The following CFAP74 variants were observed in gnomAD, a reference collection of about 807,000 sequenced individuals.
CFAP74 encodes cilia- and flagella-associated protein 74.
A neutral mutation model predicts 188.9 loss-of-function variants in CFAP74; 124 were observed. The observed-to-expected ratio is 0.66, with a 90% confidence interval of 0.57 to 0.76. CFAP74 has a LOEUF of 0.76. CFAP74 is among the 30% of genes least tolerant of loss of function. The pLI, the probability that CFAP74 is intolerant of heterozygous loss-of-function variation, is 0.00. For missense variants in CFAP74, 2,198 were observed against 2,165.2 expected, an observed-to-expected ratio of 1.02 and a Z score of -0.30; for synonymous variants, 956 against 916.7, an observed-to-expected ratio of 1.04 and a Z score of -0.77.
chr1:1,965,657 TG>T (rs142484867), intron 12 of CFAP74, among the ~76,000 whole-genome samples: 10,013 of 151,110 alleles, frequency 0.066, 970 homozygotes, highest in African/African-American at 0.22. Context: ...CTTCCCGGGG[TG>T]GGGGGGGCAC....
intron 25 of CFAP74, among the ~76,000 whole-genome samples, chr1:1,932,212 T>C (rs567786428): frequency 0.012 from 1,829 of 150,646 alleles, 30 homozygotes; most frequent in African/African-American, 0.041. Context: ...CTGGCTAACA[T>C]GGTGAAACCC....
At chr1:1,926,799 G>A (rs777953153) in intron 29 of CFAP74, 38 bp from the exon 30 acceptor site, 1 of 1,545,234 alleles carries the variant, frequency 6.5e-7, no homozygotes, top group South Asian at 1.2e-5. Flanking sequence ...AGGGTGGGCG[G>A]CCCCCTGCCC....
intron 5 of CFAP74, among the ~76,000 whole-genome samples, chr1:1,986,373 G>A (rs991105618): frequency 6.6e-6 from 1 of 152,174 alleles, no homozygotes; most frequent in African/African-American, 2.4e-5. Context: ...GGACCTGCTG[G>A]TTCCCTTGCC....
At chr1:1,996,363 A>T (rs1268699519) in intron 1 of CFAP74, among the ~76,000 whole-genome samples, 4 of 152,218 alleles carry the variant, frequency 2.6e-5, no homozygotes, top group African/African-American at 4.8e-5. Context: ...GGCAGGAAGC[A>T]TAAACAGGAA....
chr1:2,001,441 T>C (rs1571007180), intron 1 of CFAP74, among the ~76,000 whole-genome samples: 1 of 151,948 alleles, frequency 6.6e-6, no homozygotes, highest in African/African-American at 2.4e-5. Context: ...GCCATTCTCC[T>C]GCCTCAGCCT....
At position 1,972,895 on chromosome 1, in the gene CFAP74, A is replaced by G. The variant is rs779307078; in HGVS notation, c.785+42T>C. The G allele has an allele frequency of 4.8e-6, 6 of 1,248,336 alleles. No homozygotes were observed. In the East Asian group the frequency reaches 7.0e-5, roughly 14 times the overall value. 77.3% of individuals were successfully genotyped at this position (1,248,336 alleles called of 1,614,324 possible). ...TTCAAGACAAAAGCAAGTGACCCGT[A>G]TTCTTGGGTTTCTCCTTAAGGACGT... is the stretch of plus-strand genomic sequence containing the variant. On this transcript the variant is annotated intron_variant, in intron 8 of 38. Transcript: ENST00000682832.
In CFAP74 at chr1:1,923,985, C is replaced by G. The variant is rs910645825; in HGVS notation, c.4235-56G>C. 114 of 1,557,550 alleles carry G rather than the reference C, an allele frequency of 7.3e-5. No individual in the cohort carries two copies. Among genetic ancestry groups the G allele is most frequent in the Non-Finnish European group, 9.0e-5 (103 of 1,148,042 alleles). On this transcript the variant is annotated intron_variant, in intron 34 of 38. Coordinates refer to ENST00000682832, the MANE Select transcript of CFAP74 (RefSeq NM_001304360.2). The surrounding 1 kb of genome is among the most constrained non-coding windows in gnomAD (Gnocchi z 6.3). ...TCTCCACCTGCAATCACTGTCTGCC[C>G]TCCAAGCCTTGCTGCATAGAGCTCT...
rs775885251 is a variant in CFAP74, at chr1:1,959,141, T to G, written c.1830A>C (p.Lys610Asn). ...AQTGEFSVPL[K>N]CSTKKCSLSL... is the part of the protein sequence containing the mutation. Reference sequence around the variant, plus strand: ...TCACCGAACATTTCTTTGTTGAACATTTCAGTGGAACTGAAAACTCGCCCG... The same window carrying G: ...TCACCGAACATTTCTTTGTTGAACAGTTCAGTGGAACTGAAAACTCGCCCG... The change falls in exon 16 of 39, where the codon AAA becomes AAC. Residue 610 changes from lysine (K) to asparagine (N), a missense_variant. Transcript: ENST00000682832. 1.2e-6 allele frequency: 2 copies of G among 1,612,480 alleles called. No individual in the cohort carries two copies. The highest frequency in any genetic ancestry group is 1.7e-6 in the Non-Finnish European group (2 of 1,178,772).
chr1:1,993,954 C>G lies in CFAP74; in HGVS notation c.-19-2979G>C, dbSNP rs549060665. ...CCGAGATCACACCACTGCACTCCAG[C>G]CTGGGCGACAGAGCAAGACTCCGTC... On this transcript the variant is annotated intron_variant, in intron 1 of 38. Transcript: ENST00000682832. Among the ~76,000 whole-genome samples, 11 of 150,912 alleles carry G rather than the reference C, an allele frequency of 7.3e-5. No individual in the cohort carries two copies. The South Asian group carries it at 1.9e-3, about 26-fold the overall frequency.
At chr1:1,955,342 C>G in intron 18 of CFAP74, 1 of 1,259,926 alleles carries the variant, frequency 7.9e-7, no homozygotes, top group Non-Finnish European at 1.1e-6. Flanking sequence ...ACAACAGCCA[C>G]AGCTGCAGAG....
rs200201392 is a variant in CFAP74 at position 1,985,402 on chromosome 1, C to T, written c.484G>A (p.Val162Met). ...ERDLQSRTEAVLKESENTMWH... is the reference protein window; with the variant it reads ...ERDLQSRTEAMLKESENTMWH... ...CCGACTCACTCGCTCTCCTTCAGCA[C>T]GGCCTCAGTCCTCGACTGCAGGTCT... The change falls in exon 6 of 39, where the codon GTG (valine) becomes ATG (methionine). Residue 162 changes from valine to methionine, a missense_variant. By Grantham distance (21) the Val-to-Met change is conservative. Coordinates refer to ENST00000682832, the MANE Select transcript of CFAP74 (RefSeq NM_001304360.2). The T allele has an allele frequency of 1.4e-5, 22 of 1,613,872 alleles. 1 individual carries two copies. Among genetic ancestry groups the T allele is most frequent in the South Asian group, 7.7e-5 (7 of 91,088 alleles).
intron 1 of CFAP74, among the ~76,000 whole-genome samples, chr1:2,002,782 T>C (rs1658269765): frequency 6.7e-6 from 1 of 150,084 alleles, no homozygotes; most frequent in Non-Finnish European, 1.5e-5. Flanking sequence ...ATTTATATTA[T>C]ATATTGTTTA....
At position 1,926,243 on chromosome 1, in the gene CFAP74, G is replaced by T; in HGVS notation, c.3933C>A (p.Pro1311=). The change falls in exon 32 of 39, where the codon CCC becomes CCA. Residue 1311 remains proline (P), a synonymous_variant. Coordinates refer to ENST00000682832, the MANE Select transcript of CFAP74 (RefSeq NM_001304360.2). ...GTQVLVLSFS[P]HESILAQETL... The stretch of plus-strand genomic sequence containing the variant: ...TGGGACTCACCAGGATGCTCTCGTG[G>T]GGAGAGAAGGAAAGCACCAGGACCT... 3.3e-6 allele frequency: 5 copies of T among 1,519,294 alleles called. No individual in the cohort carries two copies. Among genetic ancestry groups the T allele is most frequent in the Non-Finnish European group, 3.5e-6 (4 of 1,130,414 alleles). The allele number at this position is 1,519,294 out of a possible 1,614,324, so 94.1% of individuals were successfully genotyped here. A position where few individuals can be genotyped will look rare whatever the true frequency, so the allele number is the denominator to read the frequency against.
At chr1:1,998,398 G>A (rs558559225) in intron 1 of CFAP74, among the ~76,000 whole-genome samples, 6 of 152,004 alleles carry the variant, frequency 3.9e-5, no homozygotes, top group Non-Finnish European at 7.4e-5. Flanking sequence ...ATGATATATC[G>A]CCTGGGATTT....
chr1:1,972,010 C>T lies in CFAP74; in HGVS notation c.858G>A (p.Val286=). 6.2e-7 allele frequency: 1 copy of T among 1,612,336 alleles called. No individual in the cohort carries two copies. The highest frequency in any genetic ancestry group is 8.5e-7 in the Non-Finnish European group (1 of 1,179,980). Reference sequence around the variant, plus strand: ...TCGCGGAGATGCTGCCCTTCAGCGCCACCACCGCATCCATGCGTCGCCTCA... The same window carrying T: ...TCGCGGAGATGCTGCCCTTCAGCGCTACCACCGCATCCATGCGTCGCCTCA... ...EYMRRRMDAV[V]ALKGSISANR... The change falls in exon 9 of 39, where the codon GTG becomes GTA. Residue 286 remains valine (V), a synonymous_variant. Coordinates refer to ENST00000682832, the MANE Select transcript of CFAP74 (RefSeq NM_001304360.2).
In CFAP74 at chr1:1,988,669, G is replaced by A. The variant is rs199590152; in HGVS notation, c.153-14C>T. On this transcript the variant is annotated splice_polypyrimidine_tract_variant and intron_variant, in intron 3 of 38. Transcript: ENST00000682832. ...TCTTTCACTGAGCTTAGGATGAAAA[G>A]GACGTCAGCTGCCACCACCCCAGCT... is the stretch of plus-strand genomic sequence containing the variant. The A allele has an allele frequency of 2.8e-5, 45 of 1,603,614 alleles. No homozygotes were observed. The highest frequency in any genetic ancestry group is 3.6e-5 in the Non-Finnish European group (43 of 1,179,732).
chr1:1,949,325 A>AT (rs1367932709), intron 18 of CFAP74, among the ~76,000 whole-genome samples: 1 of 151,536 alleles, frequency 6.6e-6, no homozygotes, highest in Non-Finnish European at 1.5e-5. Flanking sequence ...TGTCTGGCAA[A>AT]TTTTTTGTAT....
At chr1:1,944,209 C>G (rs1653587426) in intron 21 of CFAP74, 122 bp downstream of exon 21, 4 of 1,450,700 alleles carry the variant, frequency 2.8e-6, no homozygotes, top group Non-Finnish European at 3.6e-6. Flanking sequence ...GCGGCTCACC[C>G]CGTGTGCGTG....
rs1369193573 is a variant in CFAP74, at chr1:1,966,410, C to T, written c.1362G>A (p.Glu454=). 6.3e-7 allele frequency: 1 copy of T among 1,599,730 alleles called. No homozygotes were observed. The highest frequency in any genetic ancestry group is 1.3e-5 in the African/African-American group (1 of 74,226). Residue 454 remains glutamate (E), a synonymous_variant, in exon 12 of 39, where the codon GAG becomes GAA. Coordinates refer to ENST00000682832, the MANE Select transcript of CFAP74 (RefSeq NM_001304360.2). ...AGTCTTCATTCCAAAGCCCAGAGAT[C>T]TCGGGCTCAGCTAACGTTTCCTCCT... The part of the protein sequence containing the change: ...SSEEETLAEP[E]ISGLWNEDYK...
Sources: gnomAD v4.1 joint callset for allele counts (sites outside exome capture counted in the v4.1 genomes callset) on GRCh38, gnomAD v4.1.1 for gene constraint, Gnocchi (gnomAD v3.1) non-coding constraint, MANE v1.5 for transcripts, NCBI Gene and HGNC (gene_info 2026-07-23, HGNC 2026-07-21) for gene names.